The following ARMC2 variants were observed in gnomAD, a reference collection of about 807,000 sequenced individuals.
ARMC2 encodes armadillo repeat-containing protein 2.
Under a neutral mutation model 90.3 loss-of-function variants are expected in ARMC2, and 67 were observed. That is an observed-to-expected ratio of 0.74 (90% CI 0.61 to 0.91). The LOEUF (loss-of-function observed/expected upper bound fraction) is 0.91. Among genes scored for constraint, ARMC2 ranks in the 40% least tolerant of loss-of-function variants. The pLI is 0.00. For synonymous variants in ARMC2, 393 were observed against 393.0 expected (o/e 1.00, Z 0.00); for missense variants, 920 against 1,030.9 (o/e 0.89, Z 1.47).
intron 8 of ARMC2, among the ~76,000 whole-genome samples, 163 bp from the exon 9 acceptor site, chr6:108,910,736 A>G (rs1773337033): frequency 6.6e-6 from 1 of 152,210 alleles, no homozygotes; most frequent in African/African-American, 2.4e-5. Context: ...AGATACCACA[A>G]TTGGCAAATA....
chr6:108,862,025 TG>T (rs746894715), intron 3 of ARMC2, among the ~76,000 whole-genome samples: 14 of 152,212 alleles, frequency 9.2e-5, no homozygotes, highest in Middle Eastern at 3.4e-3. Flanking sequence ...TCCATACCTC[TG>T]AATGGTTGGG....
intron 9 of ARMC2, among the ~76,000 whole-genome samples, chr6:108,911,410 A>G (rs1478121669): frequency 6.6e-6 from 1 of 152,212 alleles, no homozygotes; most frequent in Non-Finnish European, 1.5e-5. Flanking sequence ...AACATGTTTC[A>G]AATTTGTAGG....
intron 10 of ARMC2, among the ~76,000 whole-genome samples, chr6:108,923,806 G>A (rs1397313644): frequency 6.6e-6 from 1 of 151,938 alleles, no homozygotes; most frequent in Non-Finnish European, 1.5e-5. Context: ...CAGGGTTTTA[G>A]GCCCTGGTTC....
the ARMC2 span, among the ~76,000 whole-genome samples, chr6:108,995,029 G>A: frequency 6.6e-6 from 1 of 152,054 alleles, no homozygotes; most frequent in Admixed American, 6.6e-5. Context: ...GTAGAATATA[G>A]GGAAAATATT....
chr6:108,919,110 G>T (rs1774284095), intron 10 of ARMC2, among the ~76,000 whole-genome samples: 1 of 143,954 alleles, frequency 6.9e-6, no homozygotes, highest in East Asian at 2.0e-4. Context: ...GCTATTCTTT[G>T]CTTCAAGATT....
chr6:108,886,128 A>G (rs980175612), intron 5 of ARMC2, among the ~76,000 whole-genome samples: 1 of 152,250 alleles, frequency 6.6e-6, no homozygotes, highest in African/African-American at 2.4e-5. Flanking sequence ...TCTTATCCAT[A>G]AGCATCCTTT....
chr6:108,972,961 A>C (rs6928200), intron 17 of ARMC2, among the ~76,000 whole-genome samples: 28,349 of 152,004 alleles, frequency 0.19, 3,143 homozygotes, highest in African/African-American at 0.31. Context: ...AGCCACCACA[A>C]CTGGCCAGAC....
the ARMC2 span, among the ~76,000 whole-genome samples, chr6:109,037,587 T>G: frequency 6.6e-6 from 1 of 152,302 alleles, no homozygotes; most frequent in East Asian, 1.9e-4. Flanking sequence ...AGAATAGATT[T>G]GGAGCATCTA....
intron 7 of ARMC2, among the ~76,000 whole-genome samples, chr6:108,900,614 A>G (rs1772036499): frequency 6.6e-6 from 1 of 152,136 alleles, no homozygotes; most frequent in Admixed American, 6.5e-5. Flanking sequence ...CCAAACAGAG[A>G]TGTGCTGCAA....
the ARMC2 span, among the ~76,000 whole-genome samples, chr6:109,038,233 C>T: frequency 2.6e-5 from 4 of 152,226 alleles, no homozygotes; most frequent in East Asian, 7.7e-4. Context: ...TGGCTCACGC[C>T]TATAATCCCA....
At chr6:108,993,001 AG>A in the ARMC2 span, 1 of 693,792 alleles carries the variant, frequency 1.4e-6, no homozygotes, top group Non-Finnish European at 2.5e-6. Flanking sequence ...TCTGATACTG[AG>A]TGACCAATAT....
At chr6:108,863,897 T>G (rs984665804) in intron 3 of ARMC2, among the ~76,000 whole-genome samples, 1 of 152,200 alleles carries the variant, frequency 6.6e-6, no homozygotes, top group East Asian at 1.9e-4. Context: ...AGCCACTGCC[T>G]CCTCTGGGCA....
At chr6:108,858,121 C>T in intron 2 of ARMC2, 78 bp from the exon 3 acceptor site, 1 of 1,134,990 alleles carries the variant, frequency 8.8e-7, no homozygotes, top group Non-Finnish European at 1.2e-6. Flanking sequence ...TGTTTTTTAG[C>T]TAGGGTTAAC....
intron 12 of ARMC2, among the ~76,000 whole-genome samples, chr6:108,939,611 C>T (rs917917119): frequency 2.0e-5 from 3 of 152,166 alleles, no homozygotes; most frequent in East Asian, 1.9e-4. Flanking sequence ...GTACAGCCTA[C>T]GGAACCATGA....
In ARMC2 at chr6:108,961,632, A is replaced by G; in HGVS notation, c.1976A>G (p.Asn659Ser). Residue 659 changes from asparagine to serine, a missense_variant, in exon 14 of 18, where the codon AAT becomes AGT. Coordinates refer to ENST00000392644, the MANE Select transcript of ARMC2 (RefSeq NM_032131.6). ...LVINATATIN[N>S]LSYYQVKNSI... ...ATCAATGCTACAGCGACAATCAACA[A>G]TTTATCTTACTACCAAGTGAAGAAT... The G allele has an allele frequency of 6.2e-7, 1 of 1,612,428 alleles. No individual in the cohort carries two copies. Among genetic ancestry groups the G allele is most frequent in the Non-Finnish European group, 8.5e-7 (1 of 1,179,386 alleles).
At chr6:108,938,988 T>C (rs1245969759) in intron 12 of ARMC2, among the ~76,000 whole-genome samples, 1 of 152,138 alleles carries the variant, frequency 6.6e-6, no homozygotes, top group African/African-American at 2.4e-5. Flanking sequence ...AAGTTTTTTT[T>C]TGTTTTTTAA....
chr6:108,926,793 T>C (rs1775140564), intron 10 of ARMC2, among the ~76,000 whole-genome samples: 1 of 152,090 alleles, frequency 6.6e-6, no homozygotes, highest in African/African-American at 2.4e-5. Flanking sequence ...ATCTATGGAG[T>C]TAAGTGGAAT....
intron 12 of ARMC2, among the ~76,000 whole-genome samples, chr6:108,939,948 CTGTT>C (rs1243459880): frequency 6.6e-6 from 1 of 152,328 alleles, no homozygotes; most frequent in Middle Eastern, 3.4e-3. Context: ...GCTGTAGAGA[CTGTT>C]TGTCCCACAT....
At position 108,936,125 on chromosome 6, in the gene ARMC2, T is replaced by C. The variant is rs185295481; in HGVS notation, c.1497-775T>C. Among the ~76,000 whole-genome samples the C allele has an allele frequency of 2.6e-5, 4 of 152,362 alleles. No homozygotes were observed. The East Asian group carries it at 7.7e-4, about 29-fold the overall frequency. On this transcript the variant is annotated intron_variant, in intron 11 of 17. Transcript: ENST00000392644. The stretch of plus-strand genomic sequence containing the variant: ...TGCTTGCTTACTTGCTTTAGAAATT[T>C]TGAAGCTGTTTTCAAGGCTTTCTGC...
Sources: gnomAD v4.1 joint callset for allele counts (sites outside exome capture counted in the v4.1 genomes callset) on GRCh38, gnomAD v4.1.1 for gene constraint, MANE v1.5 for transcripts, NCBI Gene and HGNC (gene_info 2026-07-23, HGNC 2026-07-21) for gene names.